UCMA: variants seen among roughly 807,000 people sequenced by gnomAD.
UCMA encodes the protein upper zone of growth plate and cartilage matrix associated.
A neutral mutation model predicts 21.8 loss-of-function variants in UCMA; 21 were observed. That is an observed-to-expected ratio of 0.97 (90% confidence interval 0.68 to 1.39). The LOEUF (loss-of-function observed/expected upper bound fraction) is 1.39. Among genes scored for constraint, UCMA ranks in the 40% most tolerant of loss-of-function variants. UCMA has a pLI of 0.00. For synonymous variants in UCMA, 76 were observed against 67.9 expected (o/e 1.12, Z -0.58); for missense variants, 193 against 178.9 (o/e 1.08, Z -0.45).
At chr10:13,222,239 G>C in intron 4 of UCMA, 39 bp from the exon 5 acceptor site, 1 of 1,571,634 alleles carries the variant, frequency 6.4e-7, no homozygotes, top group East Asian at 2.3e-5. Context: ...AGGACAGGGG[G>C]ACTCTGACCT....
chr10:13,227,578 C>T lies in UCMA; in HGVS notation c.319+2033G>A, dbSNP rs115172271. 3.3e-3 allele frequency among the ~76,000 whole-genome samples: 501 copies of T among 152,072 alleles called. 6 individuals carry two copies. Among genetic ancestry groups the T allele is most frequent in the African/African-American group, 0.011 (457 of 41,480 alleles). ...ACCCAAAATACAAAAATTAGCTGGG[C>T]ATAGCGGTGCACACCTGTAATCCCA... On this transcript the variant is annotated intron_variant, in intron 4 of 4. Coordinates refer to ENST00000378681, the MANE Select transcript of UCMA (RefSeq NM_145314.3).
chr10:13,228,839 C>T (rs1329798811), intron 4 of UCMA, among the ~76,000 whole-genome samples: 1 of 118,414 alleles, frequency 8.4e-6, no homozygotes, highest in Non-Finnish European at 1.8e-5. Flanking sequence ...GTTGCCCCAT[C>T]CCCACAGCCC....
At chr10:13,223,708 C>T (rs942649910) in intron 4 of UCMA, among the ~76,000 whole-genome samples, 5 of 152,088 alleles carry the variant, frequency 3.3e-5, no homozygotes, top group Non-Finnish European at 7.4e-5. Flanking sequence ...CATGCCACCA[C>T]GCCCGCCTAA....
At chr10:13,233,212 TC>T (rs1834922439) in intron 3 of UCMA, among the ~76,000 whole-genome samples, 1 of 152,194 alleles carries the variant, frequency 6.6e-6, no homozygotes. Flanking sequence ...CCTACACCTT[TC>T]TGAAATCCAA....
intron 4 of UCMA, among the ~76,000 whole-genome samples, chr10:13,222,665 T>G (rs765184986): frequency 6.6e-6 from 1 of 151,942 alleles, no homozygotes. Flanking sequence ...CTGTTCTGAA[T>G]TAATTTTCTT....
intron 4 of UCMA, among the ~76,000 whole-genome samples, chr10:13,222,414 G>T (rs1834769978): frequency 6.6e-6 from 1 of 152,180 alleles, no homozygotes. Context: ...AAGGTCACAG[G>T]CAGGTGTAGA....
chr10:13,234,059 A>G, intron 1 of UCMA, 142 bp downstream of exon 1: 1 of 718,262 alleles, frequency 1.4e-6, no homozygotes, highest in East Asian at 2.9e-5. Flanking sequence ...TGTGTCCTAC[A>G]TGCACACGAC....
chr10:13,232,845 G>T (rs1834916399), intron 3 of UCMA, among the ~76,000 whole-genome samples: 1 of 152,086 alleles, frequency 6.6e-6, no homozygotes, highest in South Asian at 2.1e-4. Flanking sequence ...GGGGTTGGCA[G>T]GTGAAGGGCA....
At chr10:13,230,921 G>A (rs916274029) in intron 3 of UCMA, among the ~76,000 whole-genome samples, 1 of 152,178 alleles carries the variant, frequency 6.6e-6, no homozygotes, top group Non-Finnish European at 1.5e-5. Context: ...GCCAGGCGTG[G>A]TGGCAGGTGC....
Position 13,222,063 on chromosome 10 carries a change from T to C in UCMA, c.*40A>G. Reference sequence around the variant, plus strand: ...TGCTGGAACACGGGGATGCCAATGGTGCTACAAGCTTTGTCTTCTTGGCCG... The same window carrying C: ...TGCTGGAACACGGGGATGCCAATGGCGCTACAAGCTTTGTCTTCTTGGCCG... On this transcript the variant is annotated 3_prime_UTR_variant, in exon 5 of 5. Coordinates refer to ENST00000378681, the MANE Select transcript of UCMA (RefSeq NM_145314.3). The C allele has an allele frequency of 6.2e-7, 1 of 1,605,844 alleles. No homozygotes were observed.
chr10:13,224,386 A>G (rs1057356225), intron 4 of UCMA, among the ~76,000 whole-genome samples: 6 of 149,532 alleles, frequency 4.0e-5, no homozygotes, highest in Non-Finnish European at 7.5e-5. Flanking sequence ...AAGAAAGAGA[A>G]GAAAGAAAGA....
intron 4 of UCMA, among the ~76,000 whole-genome samples, chr10:13,225,761 C>T (rs1421235060): frequency 6.6e-6 from 1 of 151,840 alleles, no homozygotes; most frequent in Non-Finnish European, 1.5e-5. Flanking sequence ...TGTCAGGGGC[C>T]TCAGGGGAGG....
intron 3 of UCMA, among the ~76,000 whole-genome samples, chr10:13,233,305 T>C (rs935719636): frequency 6.6e-6 from 1 of 152,244 alleles, no homozygotes; most frequent in Non-Finnish European, 1.5e-5. Flanking sequence ...CAAGTCATCT[T>C]TGCAGAGGTG....
At position 13,221,936 on chromosome 10, in the gene UCMA, T is replaced by A. The variant is rs1438346309; in HGVS notation, c.*167A>T. 1.5e-6 allele frequency: 1 copy of A among 672,702 alleles called. No individual in the cohort carries two copies. Among genetic ancestry groups the A allele is most frequent in the African/African-American group, 1.8e-5 (1 of 55,540 alleles). The allele number at this position is 672,702 out of a possible 1,614,324, so 41.7% of individuals were successfully genotyped here. On this transcript the variant is annotated 3_prime_UTR_variant, in exon 5 of 5. Transcript: ENST00000378681. The stretch of plus-strand genomic sequence containing the variant: ...TGCAAAGAGGTGAAAGTCAGGACAC[T>A]TTCACACACTGGAAGGAAAGGCATG...
intron 4 of UCMA, 105 bp downstream of exon 4, chr10:13,229,506 A>C (rs1834869492): frequency 9.3e-7 from 1 of 1,072,638 alleles, no homozygotes; most frequent in African/African-American, 1.6e-5. Context: ...ACTTCGTCTC[A>C]AAAAAAGAAA....
Position 13,233,607 on chromosome 10 carries a change from C to A in UCMA, c.151G>T (p.Glu51Ter). 1 of 1,614,086 alleles carries A rather than the reference C, an allele frequency of 6.2e-7. No homozygotes were observed. The highest frequency in any genetic ancestry group is 2.2e-5 in the East Asian group (1 of 44,876). Residue 51 changes from glutamate (E) to a stop codon, truncating the protein, a stop_gained, in exon 3 of 5, where the codon GAA becomes TAA. Coordinates refer to ENST00000378681, the MANE Select transcript of UCMA (RefSeq NM_145314.3). LOFTEE classifies it high-confidence loss of function. Reference protein sequence around the residue: ...EDAKQKIFMQESDASNFLKRR... With the variant: ...EDAKQKIFMQ ...TTGAGGAAATTCGAGGCATCTGATT[C>A]CTGCATGAAAATCTTCTGTTTTGCA... is the stretch of plus-strand genomic sequence containing the variant.
chr10:13,234,300 A>G lies in UCMA; in HGVS notation c.-42T>C. ...GCTCCGTCCAGGACCCACAAGGCAGACCAGGCGTCCTGCACCCTTTGGGTC... is the reference window on the plus strand; with the variant it reads ...GCTCCGTCCAGGACCCACAAGGCAGGCCAGGCGTCCTGCACCCTTTGGGTC... On this transcript the variant is annotated 5_prime_UTR_variant, in exon 1 of 5. Coordinates refer to ENST00000378681, the MANE Select transcript of UCMA (RefSeq NM_145314.3). The G allele has an allele frequency of 8.1e-6, 13 of 1,606,280 alleles. No individual in the cohort carries two copies. Among genetic ancestry groups the G allele is most frequent in the African/African-American group, 1.3e-5 (1 of 74,816 alleles).
intron 4 of UCMA, among the ~76,000 whole-genome samples, chr10:13,224,564 A>T (rs1341633393): frequency 6.6e-6 from 1 of 152,178 alleles, no homozygotes; most frequent in Non-Finnish European, 1.5e-5. Context: ...AAGAACCAAG[A>T]TGTCTTTCTT....
At chr10:13,228,496 TA>T (rs1834853348) in intron 4 of UCMA, among the ~76,000 whole-genome samples, 1 of 152,158 alleles carries the variant, frequency 6.6e-6, no homozygotes, top group African/African-American at 2.4e-5. Context: ...AGATAGGCTG[TA>T]GATGTTGATG....
Sources: gnomAD v4.1 joint callset for allele counts (sites outside exome capture counted in the v4.1 genomes callset) on GRCh38, gnomAD v4.1.1 for gene constraint, MANE v1.5 for transcripts, NCBI Gene and HGNC (gene_info 2026-07-23, HGNC 2026-07-21) for gene names.